BAHCC1: variants seen among roughly 807,000 people sequenced by gnomAD.
The protein encoded by BAHCC1 is BAH and coiled-coil domain-containing protein 1.
Under a neutral mutation model 88.2 loss-of-function variants are expected in BAHCC1, and 43 were observed. The observed-to-expected ratio is 0.49, with a 90% CI of 0.38 to 0.63. The LOEUF (loss-of-function observed/expected upper bound fraction) is 0.63. Ranked by LOEUF, BAHCC1 falls within the 20% of genes least tolerant of loss-of-function variation. BAHCC1 has a pLI of 0.00. For missense variants in BAHCC1, 3,023 were observed against 1,654.8 expected (o/e 1.83, Z -14.34); for synonymous variants, 1,510 against 745.5 (o/e 2.03, Z -16.71).
At chr17:81,421,167 G>GCCTC (rs2064111324) in intron 2 of BAHCC1, among the ~76,000 whole-genome samples, 1 of 152,258 alleles carries the variant, frequency 6.6e-6, no homozygotes, top group Non-Finnish European at 1.5e-5. Flanking sequence ...GCCCCCAGCT[G>GCCTC]CCTCCGCCTG....
chr17:81,410,094 G>A, intron 2 of BAHCC1: 1 of 370,400 alleles, frequency 2.7e-6, no homozygotes, highest in South Asian at 1.9e-5. Flanking sequence ...GGAGGGTTGA[G>A]TGGGACTGGG....
intron 17 of BAHCC1, 30 bp from the exon 18 acceptor site, chr17:81,458,135 C>G (rs1555657842): frequency 1.4e-6 from 1 of 715,120 alleles, no homozygotes; most frequent in Non-Finnish European, 2.6e-6. Flanking sequence ...GGATGGGGAC[C>G]CCTGTGACGG....
intron 6 of BAHCC1, 197 bp downstream of exon 6, chr17:81,444,114 C>T (rs2143528372): frequency 1.7e-6 from 1 of 604,272 alleles, no homozygotes; most frequent in East Asian, 2.7e-5. Context: ...TAACCCCTTG[C>T]AGCGGTCAGG....
chr17:81,415,829 G>T (rs938854981), intron 2 of BAHCC1, among the ~76,000 whole-genome samples: 1 of 152,242 alleles, frequency 6.6e-6, no homozygotes, highest in Non-Finnish European at 1.5e-5. Context: ...TCACCTGGGT[G>T]CGGGGACCCC....
At chr17:81,444,944 G>C (rs1004464892) in intron 8 of BAHCC1, 71 bp from the exon 9 acceptor site, 3 of 684,540 alleles carry the variant, frequency 4.4e-6, no homozygotes, top group Non-Finnish European at 8.0e-6. Context: ...CTGAGGAAAG[G>C]GTGGCGGGGA....
intron 2 of BAHCC1, among the ~76,000 whole-genome samples, chr17:81,414,497 C>T (rs1567999824): frequency 6.6e-6 from 1 of 152,200 alleles, no homozygotes; most frequent in Non-Finnish European, 1.5e-5. Flanking sequence ...GCCCCAAACC[C>T]CCTCGGCCAG....
rs373414927 is a variant in BAHCC1, at chr17:81,463,413, C to T, written c.7621-198C>T. 9.9e-5 allele frequency among the ~76,000 whole-genome samples: 15 copies of T among 152,172 alleles called. No individual in the cohort carries two copies. The East Asian group carries it at 1.2e-3, about 12-fold the overall frequency. On this transcript the variant is annotated intron_variant, in intron 27 of 27. Transcript: ENST00000675386. ...ACTCCGACAGCCCCCAGAGGGTCCC[C>T]GGCAGGTTCCTCGGCCTCTGGACAG...
intron 2 of BAHCC1, among the ~76,000 whole-genome samples, chr17:81,404,704 TC>T (rs1162878371): frequency 6.6e-6 from 1 of 152,236 alleles, no homozygotes; most frequent in Non-Finnish European, 1.5e-5. Flanking sequence ...ATGTTCGCTG[TC>T]AACTTACATA....
intron 23 of BAHCC1, 93 bp from the exon 24 acceptor site, chr17:81,460,184 C>T (rs1187635532): frequency 1.3e-5 from 9 of 678,862 alleles, no homozygotes; most frequent in South Asian, 6.6e-5. Flanking sequence ...AGAGCCCTCC[C>T]CTCACCCTCC....
At chr17:81,410,489 G>A (rs1247478534) in intron 2 of BAHCC1, among the ~76,000 whole-genome samples, 1 of 152,232 alleles carries the variant, frequency 6.6e-6, no homozygotes, top group Non-Finnish European at 1.5e-5. Flanking sequence ...GGGCTTGCAT[G>A]GTTTTGGTGT....
chr17:81,453,400 C>T (rs1005779035), intron 14 of BAHCC1, among the ~76,000 whole-genome samples: 8 of 152,274 alleles, frequency 5.3e-5, no homozygotes, highest in Admixed American at 2.0e-4. Flanking sequence ...ACGATTGGCG[C>T]GTGCGTGTGC....
Position 81,435,800 on chromosome 17 carries a change from C to T in BAHCC1, c.359-2570C>T, listed in dbSNP as rs2064327481. Among the ~76,000 whole-genome samples, 1 of 151,644 alleles carries T rather than the reference C, an allele frequency of 6.6e-6. No homozygotes were observed. Among genetic ancestry groups the T allele is most frequent in the African/African-American group, 2.4e-5 (1 of 41,234 alleles). On this transcript the variant is annotated intron_variant, in intron 3 of 27. Transcript: ENST00000675386. The surrounding 1 kb of genome is among the most constrained non-coding windows in gnomAD (Gnocchi z 4.4). ...TGTGTCCCCGGCCCGGCCGCAGCAG[C>T]CCTGCCTTCCCCCACTCCTCAGTGG...
Position 81,461,125 on chromosome 17 carries a change from C to T in BAHCC1, c.6462C>T (p.Arg2154=), listed in dbSNP as rs201547267. The T allele has an allele frequency of 6.5e-6, 5 of 763,986 alleles. No homozygotes were observed. The highest frequency in any genetic ancestry group is 1.2e-5 in the Non-Finnish European group (5 of 416,194). The allele number at this position is 763,986 out of a possible 1,614,324, so 47.3% of individuals were successfully genotyped here. A position where few individuals can be genotyped will look rare whatever the true frequency, so the allele number is the denominator to read the frequency against. The change falls in exon 26 of 28, where the codon CGC becomes CGT. Residue 2154 remains arginine (R), a synonymous_variant. Coordinates refer to ENST00000675386, the MANE Select transcript of BAHCC1 (RefSeq NM_001377448.1). ...CACCCATATTTGGCAACGGCTTCCGCGCCGACTCCTTCAGCAGCCTGGCCA... is the reference window on the plus strand; with the variant it reads ...CACCCATATTTGGCAACGGCTTCCGTGCCGACTCCTTCAGCAGCCTGGCCA... ...VATPIFGNGF[R]ADSFSSLASS... is the part of the protein sequence containing the mutation.
intron 3 of BAHCC1, among the ~76,000 whole-genome samples, chr17:81,437,681 A>C (rs1450615161): frequency 6.6e-6 from 1 of 152,220 alleles, no homozygotes. Context: ...GGCTGCCTTG[A>C]GGGACAGACA....
chr17:81,444,614 C>T (rs368637263), intron 7 of BAHCC1, 46 bp downstream of exon 7: 2 of 751,996 alleles, frequency 2.7e-6, no homozygotes, highest in South Asian at 2.8e-5. Context: ...GATGAGGGTT[C>T]CCTCCTGGTC....
At chr17:81,419,484 G>A (rs1312344437) in intron 2 of BAHCC1, among the ~76,000 whole-genome samples, 3 of 152,246 alleles carry the variant, frequency 2.0e-5, no homozygotes, top group Non-Finnish European at 4.4e-5. Context: ...AGCCTGGCTC[G>A]TGGGAAGTGT....
intron 2 of BAHCC1, among the ~76,000 whole-genome samples, chr17:81,414,935 G>A (rs1353010148): frequency 1.3e-5 from 2 of 152,136 alleles, no homozygotes; most frequent in African/African-American, 2.4e-5. Context: ...ATCCCCACCC[G>A]ACTGGCCATT....
rs2064511541 is a variant in BAHCC1, at chr17:81,445,618, A to G, written c.3100A>G (p.Ser1034Gly). ...SSPGPGSRVR[S>G]AEEKNGEGQQ... ...CCCCGGGCCTGGCTCCCGGGTGCGC[A>G]GCGCCGAGGAAAAGAATGGGGAGGG... is the stretch of plus-strand genomic sequence containing the variant. The change falls in exon 10 of 28, where the codon AGC becomes GGC. Residue 1034 changes from serine to glycine, a missense_variant. Coordinates refer to ENST00000675386, the MANE Select transcript of BAHCC1 (RefSeq NM_001377448.1). 1.4e-6 allele frequency: 1 copy of G among 731,490 alleles called. No individual in the cohort carries two copies. Among genetic ancestry groups the G allele is most frequent in the Non-Finnish European group, 2.5e-6 (1 of 393,836 alleles). 45.3% of individuals were successfully genotyped at this position (731,490 alleles called of 1,614,324 possible). A position where few individuals can be genotyped will look rare whatever the true frequency, so the allele number is the denominator to read the frequency against.
intron 4 of BAHCC1, among the ~76,000 whole-genome samples, chr17:81,439,361 G>T (rs2064380460): frequency 6.6e-6 from 1 of 152,060 alleles, no homozygotes; most frequent in African/African-American, 2.4e-5. Flanking sequence ...CGGCATCGGT[G>T]ATATCTAGGA....
Sources: allele counts gnomAD v4.1 joint callset (sites outside exome capture counted in the v4.1 genomes callset), GRCh38; gene constraint gnomAD v4.1.1; non-coding constraint Gnocchi (gnomAD v3.1); transcripts MANE v1.5; gene names NCBI Gene and HGNC (gene_info 2026-07-23, HGNC 2026-07-21).